NKAIN2: variants seen among roughly 807,000 people sequenced by gnomAD.
The protein encoded by NKAIN2 is sodium/potassium-transporting ATPase subunit beta-1-interacting protein 2.
Under a neutral mutation model 32.6 loss-of-function variants are expected in NKAIN2, and 14 were observed. That is an observed-to-expected ratio of 0.43 (90% CI 0.28 to 0.67). NKAIN2 has a LOEUF of 0.67. NKAIN2 is among the 30% of genes least tolerant of loss of function. NKAIN2 has a pLI of 0.17. For synonymous variants in NKAIN2, 80 were observed against 87.2 expected, an observed-to-expected ratio of 0.92 and a Z score of 0.46; for missense variants, 198 against 258.3, an observed-to-expected ratio of 0.77 and a Z score of 1.60.
intron 1 of NKAIN2, among the ~76,000 whole-genome samples, chr6:124,080,742 C>A (rs964259894): frequency 7.3e-4 from 111 of 152,182 alleles, no homozygotes; most frequent in African/African-American, 2.5e-3. Context: ...AAACACTCCC[C>A]CCCTCCAAGA....
chr6:124,803,359 T>G lies in NKAIN2; in HGVS notation c.535+11960T>G, dbSNP rs967820694. On this transcript the variant is annotated intron_variant, in intron 5 of 6. Transcript: ENST00000368417. ...CCATCCACCAAGCTTTGGCCTATCA[T>G]TCTGCCTGATCCAGGACACTGAGCT... Among the ~76,000 whole-genome samples the G allele has an allele frequency of 8.5e-5, 13 of 152,300 alleles. No individual in the cohort carries two copies. The East Asian group carries it at 1.9e-3, about 23-fold the overall frequency.
At chr6:123,832,590 A>C (rs1384823340) in intron 1 of NKAIN2, among the ~76,000 whole-genome samples, 1 of 152,224 alleles carries the variant, frequency 6.6e-6, no homozygotes, top group East Asian at 1.9e-4. Flanking sequence ...CATTTCTACA[A>C]ACAATGAATG....
chr6:124,362,488 T>A (rs1323021460), intron 3 of NKAIN2, among the ~76,000 whole-genome samples: 3 of 152,168 alleles, frequency 2.0e-5, no homozygotes, highest in Non-Finnish European at 4.4e-5. Flanking sequence ...TGTTTCCTTT[T>A]ACTACCCCTA....
intron 4 of NKAIN2, among the ~76,000 whole-genome samples, chr6:124,676,853 C>A (rs1189197193): frequency 1.3e-5 from 2 of 152,128 alleles, no homozygotes; most frequent in Admixed American, 6.5e-5. Context: ...CATGGAGTAT[C>A]TTTTTCCATC....
chr6:124,239,864 A>G lies in NKAIN2; in HGVS notation c.55-43141A>G, dbSNP rs570027764. Among the ~76,000 whole-genome samples, 27 of 152,322 alleles carry G rather than the reference A, an allele frequency of 1.8e-4. 1 individual carries two copies. In the South Asian group the frequency reaches 5.4e-3, roughly 30 times the overall value. The stretch of plus-strand genomic sequence containing the variant: ...GAGCAGCAAGGCAAACAAATTCAAA[A>G]GCTAGCAGAAAACAAGAAATAACTA... On this transcript the variant is annotated intron_variant, in intron 1 of 6. Coordinates refer to ENST00000368417, the MANE Select transcript of NKAIN2 (RefSeq NM_001040214.3).
intron 4 of NKAIN2, among the ~76,000 whole-genome samples, chr6:124,715,614 T>C (rs1775716626): frequency 6.6e-6 from 1 of 152,130 alleles, no homozygotes; most frequent in Admixed American, 6.6e-5. Context: ...GTCACTGAGG[T>C]GGACGAGCTT....
chr6:123,974,623 A>G (rs986234448), intron 1 of NKAIN2, among the ~76,000 whole-genome samples: 1 of 152,166 alleles, frequency 6.6e-6, no homozygotes, highest in African/African-American at 2.4e-5. Flanking sequence ...TGTGCGGGCA[A>G]AAGGTTGACC....
chr6:124,564,845 G>A (rs766799300), intron 3 of NKAIN2, among the ~76,000 whole-genome samples: 11 of 152,132 alleles, frequency 7.2e-5, no homozygotes, highest in Non-Finnish European at 1.5e-4. Context: ...GGCAAGACCC[G>A]AATCATCTTA....
chr6:123,826,874 T>C (rs1252290595), intron 1 of NKAIN2, among the ~76,000 whole-genome samples: 2 of 152,208 alleles, frequency 1.3e-5, no homozygotes, highest in Non-Finnish European at 2.9e-5. Flanking sequence ...GTGGAATTGC[T>C]AGATCATATG....
intron 1 of NKAIN2, among the ~76,000 whole-genome samples, chr6:123,837,980 A>T (rs574831474): frequency 2.0e-5 from 3 of 152,284 alleles, no homozygotes; most frequent in East Asian, 3.9e-4. Context: ...GAGTTATGCA[A>T]GTATAAAGTA....
chr6:124,711,492 A>C (rs1472285732), intron 4 of NKAIN2, among the ~76,000 whole-genome samples: 1 of 151,004 alleles, frequency 6.6e-6, no homozygotes, highest in Admixed American at 6.6e-5. Context: ...ACATAGTCCC[A>C]TATGTCTTGG....
intron 2 of NKAIN2, among the ~76,000 whole-genome samples, chr6:124,330,436 T>C (rs939596596): frequency 2.8e-4 from 43 of 152,172 alleles, no homozygotes; most frequent in African/African-American, 1.0e-3. Flanking sequence ...GCTGATCCCA[T>C]GTAGAGCACT....
At position 124,106,818 on chromosome 6, in the gene NKAIN2, G is replaced by C. The variant is rs141359285; in HGVS notation, c.55-176187G>C. On this transcript the variant is annotated intron_variant, in intron 1 of 6. Transcript: ENST00000368417. ...CCTATGTGTGCCAGGCACTATCTTA[G>C]GACATGAAATGCAGCAGTGAACAAA... Among the ~76,000 whole-genome samples the C allele has an allele frequency of 8.8e-4, 134 of 152,208 alleles. 2 individuals are homozygous for C. Among genetic ancestry groups the C allele is most frequent in the South Asian group, 7.5e-3 (36 of 4,822 alleles).
In NKAIN2 at chr6:124,149,554, G is replaced by A. The variant is rs569388201; in HGVS notation, c.55-133451G>A. 2.0e-4 allele frequency among the ~76,000 whole-genome samples: 30 copies of A among 152,214 alleles called. No homozygotes were observed. In the South Asian group the frequency reaches 5.6e-3, roughly 28 times the overall value. On this transcript the variant is annotated intron_variant, in intron 1 of 6. Transcript: ENST00000368417. ...TTAAAAAGACTGTTCTGTCCCCATT[G>A]GATTATAGTATGCTTGTTGAAAATC...
chr6:124,357,476 C>T (rs550371742), intron 3 of NKAIN2, among the ~76,000 whole-genome samples: 1 of 151,926 alleles, frequency 6.6e-6, no homozygotes, highest in African/African-American at 2.4e-5. Context: ...ACATATGAAA[C>T]TTCTGATAAT....
chr6:123,895,198 GACACAC>G (rs1054544992), intron 1 of NKAIN2, among the ~76,000 whole-genome samples: 2 of 149,856 alleles, frequency 1.3e-5, no homozygotes, highest in Admixed American at 1.3e-4. Context: ...CTCTCACACA[GACACAC>G]ACACACACAC....
chr6:123,821,371 A>G (rs1215616817), intron 1 of NKAIN2, among the ~76,000 whole-genome samples: 1 of 152,196 alleles, frequency 6.6e-6, no homozygotes, highest in Non-Finnish European at 1.5e-5. Flanking sequence ...GATAGTACTA[A>G]TGTTGATGTA....
chr6:124,362,784 A>G (rs1799345862), intron 3 of NKAIN2, among the ~76,000 whole-genome samples: 1 of 152,288 alleles, frequency 6.6e-6, no homozygotes, highest in South Asian at 2.1e-4. Flanking sequence ...GAAAAAAGAG[A>G]TAAAACCAAA....
rs80157570 is a variant in NKAIN2, at chr6:123,888,035, G to A, written c.54+83781G>A. 7.5e-3 allele frequency among the ~76,000 whole-genome samples: 1,144 copies of A among 152,150 alleles called. 9 individuals carry two copies. Among genetic ancestry groups the A allele is most frequent in the Non-Finnish European group, 0.011 (774 of 67,986 alleles). ...TTAAATGACCTAATATTTGTAAAGT[G>A]TATAAAATAGTGCTTGGTATAAATT... On this transcript the variant is annotated intron_variant, in intron 1 of 6. Transcript: ENST00000368417.
Sources: allele counts gnomAD v4.1 joint callset (sites outside exome capture counted in the v4.1 genomes callset), GRCh38; gene constraint gnomAD v4.1.1; transcripts MANE v1.5; gene names NCBI Gene and HGNC (gene_info 2026-07-23, HGNC 2026-07-21).